Variants in CCSER1 observed in about 807,000 individuals in gnomAD.
The protein encoded by CCSER1 is coiled-coil serine rich protein 1.
Under a neutral mutation model 82.0 loss-of-function variants are expected in CCSER1, and 41 were observed. The ratio of observed to expected loss-of-function variants is 0.50; its 90% CI spans 0.39 to 0.65. The LOEUF is 0.65. Among genes scored for constraint, CCSER1 ranks in the 30% least tolerant of loss-of-function variants. CCSER1 has a pLI of 0.00. For synonymous variants in CCSER1, 414 were observed against 383.9 expected (o/e 1.08, Z -0.92); for missense variants, 1,119 against 1,064.2 (o/e 1.05, Z -0.72).
rs896840297 is a variant in CCSER1, at chr4:90,627,906, A to G, written c.1725-119A>G. The stretch of plus-strand genomic sequence containing the variant: ...ATAAATAAATAAATAAACTAATATC[A>G]TGAAATGAGGACACAAGAAATACTT... On this transcript the variant is annotated intron_variant, in intron 5 of 10. Transcript: ENST00000509176. 70 of 743,098 alleles carry G rather than the reference A, an allele frequency of 9.4e-5. No homozygotes were observed. The African/African-American group carries it at 1.1e-3, about 12-fold the overall frequency. 46.0% of individuals were successfully genotyped at this position (743,098 alleles called of 1,614,324 possible).
intron 7 of CCSER1, among the ~76,000 whole-genome samples, chr4:90,777,452 T>C (rs975730039): frequency 2.3e-4 from 35 of 152,012 alleles, no homozygotes; most frequent in Admixed American, 1.8e-3. Context: ...CTTAGTTTTC[T>C]TCTGATCATC....
chr4:90,839,289 TAGATA>T (rs1762260000), intron 8 of CCSER1, among the ~76,000 whole-genome samples: 1 of 152,210 alleles, frequency 6.6e-6, no homozygotes, highest in African/African-American at 2.4e-5. Context: ...ATCACACACT[TAGATA>T]AGTTTATCAA....
chr4:91,413,014 T>C (rs900355153), intron 10 of CCSER1, among the ~76,000 whole-genome samples: 1 of 151,792 alleles, frequency 6.6e-6, no homozygotes, highest in African/African-American at 2.4e-5. Flanking sequence ...GTAAGGAGTT[T>C]AATAAAGAAT....
intron 10 of CCSER1, among the ~76,000 whole-genome samples, chr4:91,397,889 G>C (rs183371956): frequency 2.3e-3 from 349 of 152,022 alleles, no homozygotes; most frequent in Non-Finnish European, 3.5e-3. Flanking sequence ...GGTGTGGCTG[G>C]GGCATACTGT....
chr4:90,989,747 A>G (rs1736864644), intron 9 of CCSER1, among the ~76,000 whole-genome samples: 2 of 151,786 alleles, frequency 1.3e-5, no homozygotes, highest in South Asian at 4.1e-4. Context: ...TAGTACTGCA[A>G]AAGCTCCCTG....
At chr4:90,763,433 C>A (rs1750710759) in intron 7 of CCSER1, among the ~76,000 whole-genome samples, 1 of 152,112 alleles carries the variant, frequency 6.6e-6, no homozygotes, top group South Asian at 2.1e-4. Context: ...TTTCAATGTT[C>A]TTTCAATTGA....
At chr4:90,288,882 T>C (rs1418793783) in intron 1 of CCSER1, among the ~76,000 whole-genome samples, 1 of 151,886 alleles carries the variant, frequency 6.6e-6, no homozygotes, top group Non-Finnish European at 1.5e-5. Flanking sequence ...GGATGCATTG[T>C]TCAGTTTCTA....
chr4:90,198,082 GTTAAAAA>G (rs1736942963), intron 1 of CCSER1, among the ~76,000 whole-genome samples: 1 of 152,142 alleles, frequency 6.6e-6, no homozygotes, highest in East Asian at 1.9e-4. Context: ...AAATTTAAAA[GTTAAAAA>G]TTAAAATATA....
At chr4:91,272,029 T>C (rs1742076238) in intron 10 of CCSER1, among the ~76,000 whole-genome samples, 1 of 152,224 alleles carries the variant, frequency 6.6e-6, no homozygotes, top group Admixed American at 6.5e-5. Context: ...GCAGTTGGGT[T>C]GGTTCCACAT....
At chr4:91,528,013 C>T (rs1032106076) in intron 10 of CCSER1, among the ~76,000 whole-genome samples, 2 of 152,096 alleles carry the variant, frequency 1.3e-5, no homozygotes, top group Admixed American at 1.3e-4. Flanking sequence ...TTCCCAGGAT[C>T]GAACGATTCT....
At chr4:90,896,312 G>A (rs1310835065) in intron 8 of CCSER1, among the ~76,000 whole-genome samples, 1 of 151,862 alleles carries the variant, frequency 6.6e-6, no homozygotes, top group African/African-American at 2.4e-5. Context: ...CATATGGGAT[G>A]GGCATTGTTA....
intron 10 of CCSER1, among the ~76,000 whole-genome samples, chr4:91,301,871 CT>C (rs1247560711): frequency 6.6e-6 from 1 of 151,848 alleles, no homozygotes; most frequent in Non-Finnish European, 1.5e-5. Flanking sequence ...AAATGGACCA[CT>C]TTCTTCTCAT....
chr4:90,193,704 G>A (rs1469129907), intron 1 of CCSER1, among the ~76,000 whole-genome samples: 1 of 151,616 alleles, frequency 6.6e-6, no homozygotes, highest in African/African-American at 2.4e-5. Flanking sequence ...TCCTTAAAAA[G>A]CTTAGAACAC....
chr4:90,144,201 T>C (rs7677289), intron 1 of CCSER1, among the ~76,000 whole-genome samples: 52,001 of 152,058 alleles, frequency 0.34, 11,131 homozygotes, highest in East Asian at 0.65. Flanking sequence ...CTTTCCTGAA[T>C]GTGCTCCCAT....
intron 9 of CCSER1, among the ~76,000 whole-genome samples, chr4:90,942,966 T>TA (rs1731773699): frequency 1.4e-5 from 2 of 146,070 alleles, no homozygotes; most frequent in Non-Finnish European, 3.0e-5. Flanking sequence ...ATATATATAT[T>TA]AAAGGAAGTA....
intron 6 of CCSER1, among the ~76,000 whole-genome samples, chr4:90,697,388 TA>T (rs984586664): frequency 8.5e-6 from 1 of 118,030 alleles, no homozygotes; most frequent in Non-Finnish European, 1.8e-5. Flanking sequence ...TCACATAACA[TA>T]AAAAACCAAT....
chr4:91,093,145 T>C (rs917616878), intron 10 of CCSER1, among the ~76,000 whole-genome samples: 10 of 152,226 alleles, frequency 6.6e-5, no homozygotes. Context: ...CCTTCTGGGC[T>C]GAAGTGCCCT....
intron 5 of CCSER1, among the ~76,000 whole-genome samples, chr4:90,492,661 T>C (rs1481474737): frequency 3.3e-5 from 5 of 152,234 alleles, no homozygotes; most frequent in Non-Finnish European, 7.3e-5. Context: ...CATTTAGTGC[T>C]ATAAGTTTCC....
At chr4:91,288,882 C>T (rs752274708) in intron 10 of CCSER1, among the ~76,000 whole-genome samples, 7 of 151,942 alleles carry the variant, frequency 4.6e-5, no homozygotes, top group African/African-American at 1.4e-4. Context: ...CAGCCAGGAA[C>T]GTAGTGCCTG....
Sources: allele counts gnomAD v4.1 joint callset (sites outside exome capture counted in the v4.1 genomes callset), GRCh38; gene constraint gnomAD v4.1.1; transcripts MANE v1.5; gene names NCBI Gene and HGNC (gene_info 2026-07-23, HGNC 2026-07-21).